The following DOCK7 variants were observed in gnomAD, a reference collection of about 807,000 sequenced individuals.
DOCK7 encodes the protein dedicator of cytokinesis 7.
Under a neutral mutation model 271.0 loss-of-function variants are expected in DOCK7, and 138 were observed. The observed-to-expected ratio is 0.51, with a 90% CI of 0.44 to 0.59. DOCK7 has a LOEUF of 0.59. DOCK7 is among the 20% of genes least tolerant of loss of function. The pLI is 0.00. For synonymous variants in DOCK7, 823 were observed against 876.1 expected (o/e 0.94, Z 1.07); for missense variants, 2,066 against 2,592.4 (o/e 0.80, Z 4.41).
At chr1:62,640,020 T>G (rs1295207917) in intron 7 of DOCK7, among the ~76,000 whole-genome samples, 1 of 152,172 alleles carries the variant, frequency 6.6e-6, no homozygotes, top group Non-Finnish European at 1.5e-5. Flanking sequence ...GAAATGCTAC[T>G]TGCTGAGCAA....
At chr1:62,530,702 C>T (rs13375691) in intron 29 of DOCK7, 10,105 of 155,468 alleles carry the variant, frequency 0.065, 415 homozygotes, top group South Asian at 0.11. Context: ...GCACTTGGTG[C>T]TTTGCCCGTG....
chr1:62,540,073 A>T (rs1211759389), intron 25 of DOCK7, among the ~76,000 whole-genome samples, 181 bp from the exon 26 acceptor site: 7 of 152,204 alleles, frequency 4.6e-5, no homozygotes, highest in Admixed American at 1.3e-4. Flanking sequence ...AAAATAAAAT[A>T]AAAAAACCAC....
At chr1:62,597,724 T>G (rs765123937) in intron 14 of DOCK7, 2 of 1,613,634 alleles carry the variant, frequency 1.2e-6, no homozygotes, top group Non-Finnish European at 1.7e-6. Flanking sequence ...CTCCTTCAGT[T>G]GGGACATGGT....
At chr1:62,642,702 C>T (rs1398882451) in intron 7 of DOCK7, among the ~76,000 whole-genome samples, 5 of 152,160 alleles carry the variant, frequency 3.3e-5, no homozygotes, top group Non-Finnish European at 7.4e-5. Context: ...ACTCTATTAC[C>T]ACAAACACAG....
At chr1:62,579,376 T>G (rs1183245071) in intron 16 of DOCK7, among the ~76,000 whole-genome samples, 1 of 152,080 alleles carries the variant, frequency 6.6e-6, no homozygotes, top group Admixed American at 6.5e-5. Context: ...AAAACTAATG[T>G]TTATCATCCT....
chr1:62,521,792 G>A (rs542270775), intron 31 of DOCK7, among the ~76,000 whole-genome samples: 2 of 151,982 alleles, frequency 1.3e-5, no homozygotes, highest in African/African-American at 4.8e-5. Context: ...TCTGGCCAAC[G>A]TAGTGAAACC....
At position 62,598,565 on chromosome 1, in the gene DOCK7, G is replaced by C. The variant is rs1224577954; in HGVS notation, c.1683-11941C>G. ...TGCTATTTGAAAGAAGCATACAAGG[G>C]GAAGGAATTGCCAATATTCATTTTT... On this transcript the variant is annotated intron_variant, in intron 14 of 49. Coordinates refer to ENST00000635253, the MANE Select transcript of DOCK7 (RefSeq NM_001367561.1). 3 of 658,772 alleles carry C rather than the reference G, an allele frequency of 4.6e-6. No homozygotes were observed. The East Asian group carries it at 8.4e-5, about 18-fold the overall frequency. The allele number at this position is 658,772 out of a possible 1,614,324, so 40.8% of individuals were successfully genotyped here.
chr1:62,518,549 G>A (rs1359381313), intron 31 of DOCK7, among the ~76,000 whole-genome samples: 2 of 150,834 alleles, frequency 1.3e-5, no homozygotes, highest in African/African-American at 4.9e-5. Flanking sequence ...ACTCCAGCCT[G>A]GGTGACAGAG....
intron 22 of DOCK7, among the ~76,000 whole-genome samples, chr1:62,546,063 C>G (rs1420058852): frequency 1.3e-5 from 2 of 152,094 alleles, no homozygotes; most frequent in Non-Finnish European, 2.9e-5. Flanking sequence ...CATATCAGGA[C>G]ATGAGTACAG....
chr1:62,680,620 A>T (rs1174839539), intron 1 of DOCK7, among the ~76,000 whole-genome samples: 3 of 152,150 alleles, frequency 2.0e-5, no homozygotes, highest in Non-Finnish European at 4.4e-5. Context: ...AACGGGAGAA[A>T]ATTTTTGCAA....
intron 14 of DOCK7, among the ~76,000 whole-genome samples, chr1:62,589,891 A>G (rs1050955932): frequency 6.6e-6 from 1 of 151,324 alleles, no homozygotes; most frequent in Non-Finnish European, 1.5e-5. Context: ...AAAAAAAAAA[A>G]AAAAAAAAAA....
At chr1:62,634,605 A>G (rs1655027534) in intron 9 of DOCK7, 168 bp downstream of exon 9, 2 of 562,636 alleles carry the variant, frequency 3.6e-6, no homozygotes, top group South Asian at 7.3e-5. Flanking sequence ...TAAAGAGTTC[A>G]AGAAAAATTA....
At chr1:62,535,716 C>T in intron 28 of DOCK7, 84 bp from the exon 29 acceptor site, 1 of 1,362,656 alleles carries the variant, frequency 7.3e-7, no homozygotes, top group Non-Finnish European at 9.8e-7. Context: ...AAATGAAATA[C>T]TTTTTCCCAG....
chr1:62,494,386 G>A lies in DOCK7; in HGVS notation c.5106C>T (p.Ser1702=). The change falls in exon 40 of 50, where the codon AGC becomes AGT. Residue 1702 remains serine (S), a synonymous_variant. Transcript: ENST00000635253. The stretch of plus-strand genomic sequence containing the variant: ...GACACTGTGCAGCTTCAGCATGATT[G>A]CTTCGTTCTGAGTGCTTGCCTGCCA... ...QNMAGKHSER[S]NHAEAAQCLV... 6.2e-7 allele frequency: 1 copy of A among 1,613,502 alleles called. No homozygotes were observed. Among genetic ancestry groups the A allele is most frequent in the Non-Finnish European group, 8.5e-7 (1 of 1,179,554 alleles).
Position 62,529,323 on chromosome 1 carries a change from C to G in DOCK7, c.3735G>C (p.Leu1245=). The G allele has an allele frequency of 3.1e-6, 5 of 1,612,488 alleles. No homozygotes were observed. Among genetic ancestry groups the G allele is most frequent in the Non-Finnish European group, 4.2e-6 (5 of 1,179,538 alleles). Residue 1245 remains leucine, a synonymous_variant, in exon 30 of 50, where the codon CTG becomes CTC. Transcript: ENST00000635253. The stretch of plus-strand genomic sequence containing the variant: ...GTACAGTTTCCATGATAATACCAAT[C>G]AGAGGTAGATACAACATGGCCACTC... ...KARVAMLYLP[L]IGIIMETVPQ...
At chr1:62,502,726 C>T (rs979778875) in intron 37 of DOCK7, among the ~76,000 whole-genome samples, 10 of 151,880 alleles carry the variant, frequency 6.6e-5, no homozygotes, top group African/African-American at 1.7e-4. Flanking sequence ...ACAAGGTAAA[C>T]AGACCATATA....
intron 31 of DOCK7, among the ~76,000 whole-genome samples, chr1:62,519,006 T>TACACACACAC (rs61224578): frequency 0.073 from 10,868 of 148,128 alleles, 428 homozygotes; most frequent in African/African-American, 0.099. Flanking sequence ...AGTCATGCTA[T>TACACACACAC]ACACACACAC....
chr1:62,610,091 C>A (rs920381503), intron 14 of DOCK7, among the ~76,000 whole-genome samples: 2 of 152,112 alleles, frequency 1.3e-5, no homozygotes, highest in African/African-American at 2.4e-5. Flanking sequence ...CCTCGTGATC[C>A]GCCTTCCTCG....
chr1:62,605,024 C>A (rs1424406250), intron 14 of DOCK7: 3 of 527,746 alleles, frequency 5.7e-6, no homozygotes, highest in Non-Finnish European at 9.9e-6. Flanking sequence ...TCTTATAATA[C>A]TATTTGTTTT....
Sources: gnomAD v4.1 joint callset for allele counts (sites outside exome capture counted in the v4.1 genomes callset) on GRCh38, gnomAD v4.1.1 for gene constraint, MANE v1.5 for transcripts, NCBI Gene and HGNC (gene_info 2026-07-23, HGNC 2026-07-21) for gene names.